SPATA18: variants seen among roughly 807,000 people sequenced by gnomAD.
SPATA18 encodes the protein mitochondria-eating protein.
A neutral mutation model predicts 68.1 loss-of-function variants in SPATA18; 54 were observed. The observed-to-expected ratio is 0.79, with a 90% CI of 0.64 to 0.99. The LOEUF is 0.99. SPATA18 is among the 50% of genes least tolerant of loss of function. The pLI, the probability that SPATA18 is intolerant of heterozygous loss-of-function variation, is 0.00. For missense variants in SPATA18, 724 were observed against 681.1 expected, an observed-to-expected ratio of 1.06 and a Z score of -0.70; for synonymous variants, 242 against 244.8, an observed-to-expected ratio of 0.99 and a Z score of 0.11.
intron 7 of SPATA18, among the ~76,000 whole-genome samples, chr4:52,077,539 T>TAA (rs1740500385): frequency 6.6e-6 from 1 of 152,012 alleles, no homozygotes; most frequent in Non-Finnish European, 1.5e-5. Flanking sequence ...TTTAGTTGGT[T>TAA]ATATTGACCA....
At chr4:52,051,940 G>C in intron 1 of SPATA18, 149 bp downstream of exon 1, 1 of 723,390 alleles carries the variant, frequency 1.4e-6, no homozygotes, top group Non-Finnish European at 2.4e-6. Context: ...TTTCGACCGG[G>C]ATCGCTGGGG....
intron 11 of SPATA18, among the ~76,000 whole-genome samples, chr4:52,093,752 T>C (rs541478391): frequency 6.6e-6 from 1 of 152,316 alleles, no homozygotes; most frequent in South Asian, 2.1e-4. Flanking sequence ...GAGAATCCCC[T>C]ATACCTTCTC....
chr4:52,078,775 A>G lies in SPATA18; in HGVS notation c.1061A>G (p.Lys354Arg), dbSNP rs1740638333. 7 of 1,605,494 alleles carry G rather than the reference A, an allele frequency of 4.4e-6. No individual in the cohort carries two copies. The highest frequency in any genetic ancestry group is 1.1e-5 in the South Asian group (1 of 90,428). ...GCAAAAATGGCATTCAGACACTTCA[A>G]GATCCATGTGAGAAAATCGTTGACA... The part of the protein sequence containing the change: ...HVAKMAFRHF[K>R]IHVRKSLTPS... Residue 354 changes from lysine (K) to arginine (R), a missense_variant, in exon 8 of 13, where the codon AAG becomes AGG. Physicochemically the swap from Lys to Arg is conservative, Grantham distance 26 (BLOSUM62 2). Transcript: ENST00000295213.
chr4:52,066,623 C>T (rs978938183), intron 4 of SPATA18, among the ~76,000 whole-genome samples: 3 of 152,178 alleles, frequency 2.0e-5, no homozygotes, highest in Non-Finnish European at 4.4e-5. Context: ...TTAAGCCCCA[C>T]ATGCATTAGC....
At chr4:52,070,565 A>T (rs1739734948) in intron 5 of SPATA18, among the ~76,000 whole-genome samples, 1 of 151,960 alleles carries the variant, frequency 6.6e-6, no homozygotes, top group South Asian at 2.1e-4. Flanking sequence ...GGATAGCATT[A>T]GGAGATATAC....
rs769033275 is a variant in SPATA18, at chr4:52,071,923, A to T, written c.525A>T (p.Lys175Asn). The T allele has an allele frequency of 3.1e-6, 5 of 1,613,174 alleles. No individual in the cohort carries two copies. The South Asian group carries it at 5.5e-5, about 18-fold the overall frequency. Residue 175 changes from lysine (K) to asparagine (N), a missense_variant, in exon 6 of 13, where the codon AAA becomes AAT. Lys to Asn is a moderately conservative substitution (Grantham distance 94, BLOSUM62 0). Coordinates refer to ENST00000295213, the MANE Select transcript of SPATA18 (RefSeq NM_145263.4). ...CTCTCTCTTTGCTGTTCAGGCTTAA[A>T]TCTCTTCAAGCTCAGGAGGATGCCC... is the stretch of plus-strand genomic sequence containing the variant. ...EEINQLKKQL[K>N]SLQAQEDARH...
chr4:52,082,629 C>A, intron 10 of SPATA18, 119 bp downstream of exon 10: 1 of 1,592,024 alleles, frequency 6.3e-7, no homozygotes, highest in Non-Finnish European at 8.6e-7. Context: ...AGATTTCATA[C>A]AAAGGAGAGG....
chr4:52,094,694 C>A (rs986629210), intron 12 of SPATA18, 122 bp downstream of exon 12: 2 of 1,290,590 alleles, frequency 1.5e-6, no homozygotes, highest in African/African-American at 3.0e-5. Flanking sequence ...TTACTCCTCA[C>A]ACCTTTCATG....
chr4:52,090,148 T>C (rs1741810450), intron 11 of SPATA18, among the ~76,000 whole-genome samples: 1 of 152,190 alleles, frequency 6.6e-6, no homozygotes, highest in African/African-American at 2.4e-5. Context: ...TATTCTCCCA[T>C]CCCTTTATTT....
intron 4 of SPATA18, among the ~76,000 whole-genome samples, chr4:52,067,618 C>T (rs1455289961): frequency 6.6e-6 from 1 of 152,174 alleles, no homozygotes; most frequent in Non-Finnish European, 1.5e-5. Flanking sequence ...CTCCAAGTCT[C>T]AGCTTAAATG....
In SPATA18 at chr4:52,077,016, G is replaced by C; in HGVS notation, c.996G>C (p.Gln332His). The C allele has an allele frequency of 6.2e-7, 1 of 1,608,906 alleles. No individual in the cohort carries two copies. The highest frequency in any genetic ancestry group is 8.5e-7 in the Non-Finnish European group (1 of 1,177,472). ...RRCIDKAETV[Q>H]RIIYIATVEA... ...GCATCGACAAGGCTGAGACCGTTCA[G>C]CGGATCATCTACATCGCCACAGTGG... The change falls in exon 7 of 13, where the codon CAG becomes CAC. Residue 332 changes from glutamine (Q) to histidine (H), a missense_variant. Coordinates refer to ENST00000295213, the MANE Select transcript of SPATA18 (RefSeq NM_145263.4).
In SPATA18 at chr4:52,060,020, A is replaced by G. The variant is rs144749486; in HGVS notation, c.88-399A>G. On this transcript the variant is annotated intron_variant, in intron 1 of 12. Coordinates refer to ENST00000295213, the MANE Select transcript of SPATA18 (RefSeq NM_145263.4). ...CTCAACCATGTGACAATTCAGTGCAAGCATTCAGTCAGCAGCCTTGCAAAT... is the reference window on the plus strand; with the variant it reads ...CTCAACCATGTGACAATTCAGTGCAGGCATTCAGTCAGCAGCCTTGCAAAT... 6.6e-5 allele frequency among the ~76,000 whole-genome samples: 10 copies of G among 152,370 alleles called. No homozygotes were observed. In the East Asian group the frequency reaches 1.9e-3, roughly 29 times the overall value.
At chr4:52,090,608 C>T (rs1030929164) in intron 11 of SPATA18, among the ~76,000 whole-genome samples, 4 of 152,276 alleles carry the variant, frequency 2.6e-5, no homozygotes, top group Admixed American at 2.0e-4. Context: ...TGAATATTGG[C>T]CCTCACTCTC....
chr4:52,085,340 C>A (rs1242584455), intron 11 of SPATA18, among the ~76,000 whole-genome samples: 1 of 152,036 alleles, frequency 6.6e-6, no homozygotes, highest in Non-Finnish European at 1.5e-5. Flanking sequence ...TGGCACAAGT[C>A]CCTGGTTCCT....
In SPATA18 at chr4:52,070,578, A is replaced by T. The variant is rs562675382; in HGVS notation, c.518+662A>T. 5.3e-5 allele frequency among the ~76,000 whole-genome samples: 8 copies of T among 152,146 alleles called. No homozygotes were observed. In the South Asian group the frequency reaches 1.7e-3, roughly 32 times the overall value. The stretch of plus-strand genomic sequence containing the variant: ...AGGGATAGCATTAGGAGATATACCT[A>T]ATGCTAAATGACGAGTTAATGGGTG... On this transcript the variant is annotated intron_variant, in intron 5 of 12. Transcript: ENST00000295213.
chr4:52,070,811 A>G (rs1341436369), intron 5 of SPATA18, among the ~76,000 whole-genome samples: 1 of 152,040 alleles, frequency 6.6e-6, no homozygotes, highest in African/African-American at 2.4e-5. Flanking sequence ...AAAAACAGCA[A>G]TCTCATAAAA....
intron 8 of SPATA18, among the ~76,000 whole-genome samples, 198 bp from the exon 9 acceptor site, chr4:52,079,546 C>T (rs971436811): frequency 3.5e-4 from 53 of 152,136 alleles, no homozygotes; most frequent in African/African-American, 1.3e-3. Context: ...GTCATTTCTA[C>T]TCTGTGTCCT....
In SPATA18 at chr4:52,078,947, A is replaced by G. The variant is rs574438531; in HGVS notation, c.1179+54A>G. 3.3e-5 allele frequency: 49 copies of G among 1,477,112 alleles called. 1 individual carries two copies. The South Asian group carries it at 3.3e-4, about 10-fold the overall frequency. 91.5% of individuals were successfully genotyped at this position (1,477,112 alleles called of 1,614,324 possible). A position where few individuals can be genotyped will look rare whatever the true frequency, so the allele number is the denominator to read the frequency against. On this transcript the variant is annotated intron_variant, in intron 8 of 12. Transcript: ENST00000295213. ...GTTTGCTGCTGCTGCTGCAGTTTAT[A>G]TTGAGTACTAATAACTCAGAAATCC... is the stretch of plus-strand genomic sequence containing the variant.
Position 52,096,823 on chromosome 4 carries a change from T to C in SPATA18, c.*1936T>C, listed in dbSNP as rs1742467763. ...CACAGCAGTCACATTCCTGGAAAAT[T>C]CAAGTGTTTATTAAAACTATGCAAC... On this transcript the variant is annotated 3_prime_UTR_variant, in exon 13 of 13. Coordinates refer to ENST00000295213, the MANE Select transcript of SPATA18 (RefSeq NM_145263.4). 6.6e-6 allele frequency: 1 copy of C among 152,070 alleles called. No homozygotes were observed. Among genetic ancestry groups the C allele is most frequent in the Non-Finnish European group, 1.5e-5 (1 of 68,008 alleles). 9.4% of individuals were successfully genotyped at this position (152,070 alleles called of 1,614,324 possible).
Sources: allele counts gnomAD v4.1 joint callset (sites outside exome capture counted in the v4.1 genomes callset), GRCh38; gene constraint gnomAD v4.1.1; transcripts MANE v1.5; gene names NCBI Gene and HGNC (gene_info 2026-07-23, HGNC 2026-07-21).